OFD1: variants seen among roughly 807,000 people sequenced by gnomAD.
OFD1 encodes centriole and centriolar satellite protein OFD1.
Under a neutral mutation model 81.4 loss-of-function variants are expected in OFD1, and 12 were observed. The observed-to-expected ratio is 0.15, with a 90% confidence interval of 0.09 to 0.24. The LOEUF (loss-of-function observed/expected upper bound fraction) is 0.24. Ranked by LOEUF, OFD1 falls within the 10% of genes least tolerant of loss-of-function variation. The pLI, the probability that OFD1 is intolerant of heterozygous loss-of-function variation, is 1.00. For missense variants in OFD1, 685 were observed against 733.9 expected (o/e 0.93, Z 0.77); for synonymous variants, 256 against 263.7 (o/e 0.97, Z 0.28).
In OFD1 at chrX:13,735,331, A is replaced by G; in HGVS notation, c.96A>G (p.Ile32Met). Reference sequence around the variant, plus strand: ...ACCAGACGTTTAAGGATCGGGGTATACTGGATACACTCAAGGTATCGGATT... The same window carrying G: ...ACCAGACGTTTAAGGATCGGGGTATGCTGGATACACTCAAGGTATCGGATT... ...KLYQTFKDRG[I>M]LDTLKTQLRN... The change falls in exon 2 of 23, where the codon ATA becomes ATG. Residue 32 changes from isoleucine to methionine, a missense_variant. By Grantham distance (10) the Ile-to-Met change is conservative. Transcript: ENST00000340096. 8.3e-7 allele frequency: 1 copy of G among 1,203,162 alleles called. No individual in the cohort carries two copies. The highest frequency in any genetic ancestry group is 1.1e-6 in the Non-Finnish European group (1 of 887,242).
intron 10 of OFD1, among the ~76,000 whole-genome samples, 187 bp downstream of exon 10, chrX:13,751,555 C>T (rs190715863): frequency 1.8e-5 from 2 of 111,263 alleles, no homozygotes; most frequent in African/African-American, 3.3e-5. Context: ...AGATAAGGGC[C>T]GGGTGTGGTG....
upstream of OFD1, among the ~76,000 whole-genome samples, chrX:13,733,765 A>G (rs1286993602): frequency 9.2e-6 from 1 of 109,204 alleles, no homozygotes; most frequent in Non-Finnish European, 1.9e-5. Context: ...TTTTCTTTTA[A>G]TGATTCCTTT....
chrX:13,744,165 C>T (rs1028606810), intron 5 of OFD1, among the ~76,000 whole-genome samples: 3 of 110,837 alleles, frequency 2.7e-5, no homozygotes, highest in African/African-American at 9.9e-5. Flanking sequence ...TGGTGGTGTG[C>T]ACCTCTAGTC....
chrX:13,761,593 T>G (rs1339816360), intron 17 of OFD1, among the ~76,000 whole-genome samples: 1 of 112,460 alleles, frequency 8.9e-6, no homozygotes, highest in Non-Finnish European at 1.9e-5. Flanking sequence ...ATTTTACACA[T>G]CATTAAAAAG....
Position 13,751,026 on chromosome X carries a change from C to G in OFD1, c.936-223C>G, listed in dbSNP as rs760641100. On this transcript the variant is annotated intron_variant, in intron 9 of 22. Transcript: ENST00000340096. The stretch of plus-strand genomic sequence containing the variant: ...CCACTTCCCTCTTGAGACTCTCCCA[C>G]TCCCCTCAGCCCAAAGCACAGTCAA... Among the ~76,000 whole-genome samples the G allele has an allele frequency of 3.6e-5, 4 of 111,925 alleles. No homozygotes were observed. In the East Asian group the frequency reaches 1.1e-3, roughly 31 times the overall value.
At chrX:13,746,212 C>A in intron 6 of OFD1, 107 bp from the exon 7 acceptor site, 1 of 693,823 alleles carries the variant, frequency 1.4e-6, no homozygotes, top group Non-Finnish European at 2.3e-6. Context: ...GCAGATAATC[C>A]CTACACTTTC....
rs189679507 is a variant in OFD1 at position 13,749,476 on chromosome X, T to C, written c.878T>C (p.Met293Thr). ...YAQRQLLLKD[M>T]DLLRGREAEL... is the part of the protein sequence containing the mutation. Reference sequence around the variant, plus strand: ...CAAAGGCAACTTTTACTAAAAGATATGGATTTGCTAAGAGGAAGAGAAGCA... The same window carrying C: ...CAAAGGCAACTTTTACTAAAAGATACGGATTTGCTAAGAGGAAGAGAAGCA... Residue 293 changes from methionine to threonine, a missense_variant, in exon 9 of 23, where the codon ATG becomes ACG. Coordinates refer to ENST00000340096, the MANE Select transcript of OFD1 (RefSeq NM_003611.3). 1.9e-5 allele frequency: 23 copies of C among 1,202,166 alleles called. No individual in the cohort carries two copies. The highest frequency in any genetic ancestry group is 2.4e-5 in the Non-Finnish European group (21 of 888,916).
At chrX:13,772,699 T>C (rs2048323328), downstream of OFD1, 2 of 359,234 alleles carry the variant, frequency 5.6e-6, no homozygotes, top group Non-Finnish European at 9.6e-6. Flanking sequence ...ATATTTGTTC[T>C]AAAGAAAAAG....
chrX:13,745,083 T>C (rs774701634), intron 6 of OFD1, among the ~76,000 whole-genome samples: 56 of 112,136 alleles, frequency 5.0e-4, no homozygotes, highest in African/African-American at 1.8e-3. Context: ...AGATGGGAAA[T>C]AGCTGTTTAA....
chrX:13,767,956 T>C, intron 20 of OFD1, 98 bp from the exon 21 acceptor site: 2 of 856,241 alleles, frequency 2.3e-6, no homozygotes, highest in Non-Finnish European at 3.4e-6. Context: ...ATACAGGCTG[T>C]ACTTGAAGGA....
upstream of OFD1, among the ~76,000 whole-genome samples, chrX:13,733,669 A>T (rs1418244607): frequency 8.9e-6 from 1 of 112,127 alleles, no homozygotes; most frequent in African/African-American, 3.2e-5. Flanking sequence ...CAGGACTTAG[A>T]TACCATATAA....
At chrX:13,716,510 C>G in the OFD1 span, 1 of 1,210,433 alleles carries the variant, frequency 8.3e-7, no homozygotes, top group East Asian at 3.0e-5. Context: ...TAGTTAGTTA[C>G]CTTTACTAAG....
rs1282930647 is a variant in OFD1, at chrX:13,735,254, A to G, written c.19A>G (p.Met7Val). The G allele has an allele frequency of 5.8e-6, 7 of 1,210,949 alleles. No homozygotes were observed. Among genetic ancestry groups the G allele is most frequent in the East Asian group, 5.9e-5 (2 of 33,861 alleles). The stretch of plus-strand genomic sequence containing the variant: ...TAACCATTTTGTCTTTTAGTCCAAC[A>G]TGTTTACCGTGGCTGATGTGTTGAG... MMAQSN[M>V]FTVADVLSQD... The change falls in exon 2 of 23, where the codon ATG (methionine) becomes GTG (valine). Residue 7 changes from methionine to valine, a missense_variant. Physicochemically the swap from Met to Val is conservative, Grantham distance 21 (BLOSUM62 1). Transcript: ENST00000340096.
upstream of OFD1, among the ~76,000 whole-genome samples, chrX:13,731,520 T>C (rs953747683): frequency 8.9e-6 from 1 of 112,361 alleles, no homozygotes; most frequent in African/African-American, 3.2e-5. Flanking sequence ...AATATTTTGG[T>C]ATCTACCTAA....
chrX:13,753,275 G>A, intron 10 of OFD1, 93 bp from the exon 11 acceptor site: 1 of 1,195,598 alleles, frequency 8.4e-7, no homozygotes, highest in African/African-American at 1.7e-5. Flanking sequence ...AGCACCCTCA[G>A]GTGCTCCTGT....
rs1305327119 is a variant in OFD1, at chrX:13,734,749, C to T, written c.-323C>T. On this transcript the variant is annotated 5_prime_UTR_variant, in exon 1 of 23. Coordinates refer to ENST00000340096, the MANE Select transcript of OFD1 (RefSeq NM_003611.3). Reference sequence around the variant, plus strand: ...TAGCAGGTTTCCGGAAGTTGCCGGACTGGCTGTGAGGCGGTCCTGCCTCGC... The same window carrying T: ...TAGCAGGTTTCCGGAAGTTGCCGGATTGGCTGTGAGGCGGTCCTGCCTCGC... 9 of 1,031,465 alleles carry T rather than the reference C, an allele frequency of 8.7e-6. No individual in the cohort carries two copies. Among genetic ancestry groups the T allele is most frequent in the East Asian group, 3.7e-5 (1 of 26,997 alleles). The allele number at this position is 1,031,465 out of a possible 1,213,427, so 85.0% of individuals were successfully genotyped here. A position where few individuals can be genotyped will look rare whatever the true frequency, so the allele number is the denominator to read the frequency against.
At chrX:13,729,314 A>G in the OFD1 span, among the ~76,000 whole-genome samples, 13 of 111,988 alleles carry the variant, frequency 1.2e-4, no homozygotes, top group Non-Finnish European at 2.3e-4. Context: ...CAAAAGAAGA[A>G]AGGTGGAGGC....
intron 20 of OFD1, 183 bp from the exon 21 acceptor site, chrX:13,767,871 T>A (rs777836889): frequency 3.3e-5 from 14 of 430,269 alleles, no homozygotes; most frequent in African/African-American, 5.0e-5. Context: ...ATTAATACCT[T>A]CCTTCATTGA....
Position 13,756,622 on chromosome X carries a change from A to G in OFD1, c.1266A>G (p.Lys422=), listed in dbSNP as rs752054323. 4.2e-6 allele frequency: 5 copies of G among 1,203,721 alleles called. No homozygotes were observed. In the African/African-American group the frequency reaches 7.0e-5, roughly 17 times the overall value. The change falls in exon 13 of 23, where the codon AAA becomes AAG. Residue 422 remains lysine, a synonymous_variant. Coordinates refer to ENST00000340096, the MANE Select transcript of OFD1 (RefSeq NM_003611.3). ...AAGCCCAGTCTTTGGCAATAACAAA[A>G]CAAAACCATATGCTGAATGAAAAGG... The part of the protein sequence containing the change: ...SVKAQSLAIT[K]QNHMLNEKVK...
Sources: allele counts gnomAD v4.1 joint callset (sites outside exome capture counted in the v4.1 genomes callset), GRCh38; gene constraint gnomAD v4.1.1; transcripts MANE v1.5; gene names NCBI Gene and HGNC (gene_info 2026-07-23, HGNC 2026-07-21).